Variants in PCDH9 observed in about 807,000 individuals in gnomAD.
PCDH9 encodes protocadherin 9.
In PCDH9, 24 loss-of-function variants were observed where a neutral mutation model predicts 70.6. The ratio of observed to expected loss-of-function variants is 0.34; its 90% CI spans 0.25 to 0.48. The LOEUF (loss-of-function observed/expected upper bound fraction) is 0.48, where lower values mean the gene tolerates loss of function less well. Among genes scored for constraint, PCDH9 ranks in the 20% least tolerant of loss-of-function variants. PCDH9 has a pLI of 0.99. For missense variants in PCDH9, 1,281 were observed against 1,503.6 expected, an observed-to-expected ratio of 0.85 and a Z score of 2.45; for synonymous variants, 562 against 558.5, an observed-to-expected ratio of 1.01 and a Z score of -0.09.
chr13:66,571,575 T>C (rs960716483), intron 4 of PCDH9, among the ~76,000 whole-genome samples: 2 of 152,056 alleles, frequency 1.3e-5, no homozygotes, highest in African/African-American at 4.8e-5. Context: ...CTGCTCTACA[T>C]ATCAGTTGTA....
intron 2 of PCDH9, among the ~76,000 whole-genome samples, chr13:67,079,810 G>T (rs944882518): frequency 6.6e-6 from 1 of 152,060 alleles, no homozygotes; most frequent in Non-Finnish European, 1.5e-5. Context: ...TCACCTATGA[G>T]GCTACATTTA....
At chr13:66,388,945 A>G (rs563753839) in intron 4 of PCDH9, among the ~76,000 whole-genome samples, 14 of 152,326 alleles carry the variant, frequency 9.2e-5, no homozygotes, top group African/African-American at 3.4e-4. Context: ...TAAATTAACC[A>G]TATTTTGTCT....
chr13:66,518,144 C>G (rs1298058777), intron 4 of PCDH9, among the ~76,000 whole-genome samples: 1 of 152,020 alleles, frequency 6.6e-6, no homozygotes, highest in Non-Finnish European at 1.5e-5. Context: ...GAGGGCAAAA[C>G]AAGAACTTAC....
intron 4 of PCDH9, among the ~76,000 whole-genome samples, chr13:66,523,342 A>C (rs1960079738): frequency 6.6e-6 from 1 of 152,094 alleles, no homozygotes; most frequent in South Asian, 2.1e-4. Context: ...ACCATTTAAC[A>C]GTTGAGGAAC....
intron 3 of PCDH9, among the ~76,000 whole-genome samples, chr13:66,833,224 A>G (rs2080958670): frequency 6.6e-6 from 1 of 152,218 alleles, no homozygotes; most frequent in Non-Finnish European, 1.5e-5. Context: ...GTAACATTAC[A>G]TAATATGCCC....
intron 3 of PCDH9, among the ~76,000 whole-genome samples, chr13:66,880,545 T>C (rs1208269679): frequency 1.3e-5 from 2 of 152,110 alleles, no homozygotes; most frequent in Non-Finnish European, 2.9e-5. Context: ...CCAGCTTACA[T>C]TTAAAGAAAA....
At chr13:66,872,487 C>A (rs1204391592) in intron 3 of PCDH9, among the ~76,000 whole-genome samples, 1 of 151,904 alleles carries the variant, frequency 6.6e-6, no homozygotes, top group Non-Finnish European at 1.5e-5. Flanking sequence ...TAATTCTTTA[C>A]AAAATCATAC....
intron 2 of PCDH9, among the ~76,000 whole-genome samples, chr13:67,170,770 C>G (rs1484258982): frequency 1.3e-5 from 2 of 151,912 alleles, no homozygotes; most frequent in Non-Finnish European, 2.9e-5. Context: ...ACTAAAAATA[C>G]AAAAATTAGC....
intron 3 of PCDH9, among the ~76,000 whole-genome samples, chr13:66,801,980 T>C (rs1399674295): frequency 6.9e-6 from 1 of 143,978 alleles, no homozygotes; most frequent in Non-Finnish European, 1.5e-5. Flanking sequence ...TCATTGCATG[T>C]AGACCAGGTG....
At chr13:66,384,587 T>C (rs1956898130) in intron 4 of PCDH9, among the ~76,000 whole-genome samples, 1 of 152,200 alleles carries the variant, frequency 6.6e-6, no homozygotes, top group African/African-American at 2.4e-5. Context: ...TGTAATACAA[T>C]ACTGTAACTG....
At position 66,969,056 on chromosome 13, in the gene PCDH9, C is replaced by G. The variant is rs527262293; in HGVS notation, c.3037-65451G>C. ...TTGTTTCCCTGAAATAGAGGAAAGA[C>G]TGTCAAAAGCCATACTGGCATTGCT... On this transcript the variant is annotated intron_variant, in intron 2 of 4. Coordinates refer to ENST00000377865, the MANE Select transcript of PCDH9 (RefSeq NM_203487.3). Among the ~76,000 whole-genome samples the G allele has an allele frequency of 2.0e-5, 3 of 152,086 alleles. No homozygotes were observed. The East Asian group carries it at 5.8e-4, about 29-fold the overall frequency.
At chr13:66,472,670 G>A (rs1434812835) in intron 4 of PCDH9, among the ~76,000 whole-genome samples, 1 of 152,224 alleles carries the variant, frequency 6.6e-6, no homozygotes, top group South Asian at 2.1e-4. Context: ...TCTTAATATT[G>A]AAAGTGATTC....
In PCDH9 at chr13:66,323,706, T is replaced by C. The variant is rs1045169507; in HGVS notation, c.3341-18678A>G. On this transcript the variant is annotated intron_variant, in intron 4 of 4. Transcript: ENST00000377865. Reference sequence around the variant, plus strand: ...GGAACTTTTTTTTTTTTTAAACCTATGGCGGCATCACATCTTAAGTAGGTT... The same window carrying C: ...GGAACTTTTTTTTTTTTTAAACCTACGGCGGCATCACATCTTAAGTAGGTT... The C allele has an allele frequency of 2.6e-5, 4 of 151,814 alleles. No homozygotes were observed. In the South Asian group the frequency reaches 8.3e-4, roughly 32 times the overall value. The allele number at this position is 151,814 out of a possible 1,614,324, so 9.4% of individuals were successfully genotyped here. A position where few individuals can be genotyped will look rare whatever the true frequency, so the allele number is the denominator to read the frequency against.
At chr13:66,322,745 AG>A (rs1329741311) in intron 4 of PCDH9, among the ~76,000 whole-genome samples, 1 of 152,080 alleles carries the variant, frequency 6.6e-6, no homozygotes. Flanking sequence ...AAGTAGATCC[AG>A]TGATTTTATA....
intron 2 of PCDH9, among the ~76,000 whole-genome samples, chr13:66,932,246 G>A (rs550056818): frequency 6.6e-6 from 1 of 152,210 alleles, no homozygotes; most frequent in South Asian, 2.1e-4. Context: ...TAATATTAAA[G>A]TATATTCACT....
chr13:67,176,727 A>C (rs1336408027), intron 2 of PCDH9, among the ~76,000 whole-genome samples: 1 of 152,010 alleles, frequency 6.6e-6, no homozygotes, highest in African/African-American at 2.4e-5. Flanking sequence ...CCCAATACCC[A>C]TCTGGCTCTT....
chr13:66,592,176 G>A lies in PCDH9; in HGVS notation c.3340+39034C>T, dbSNP rs1410000996. On this transcript the variant is annotated intron_variant, in intron 4 of 4. Coordinates refer to ENST00000377865, the MANE Select transcript of PCDH9 (RefSeq NM_203487.3). ...TGGACTAAATTCATCATTAAGAAAA[G>A]GCAAGGTTCAATCAACCAAGCAGTG... 2.6e-5 allele frequency among the ~76,000 whole-genome samples: 4 copies of A among 151,402 alleles called. No individual in the cohort carries two copies. The East Asian group carries it at 7.8e-4, about 29-fold the overall frequency.
chr13:66,512,114 T>A (rs1959504771), intron 4 of PCDH9, among the ~76,000 whole-genome samples: 1 of 152,128 alleles, frequency 6.6e-6, no homozygotes, highest in African/African-American at 2.4e-5. Flanking sequence ...ATTTACTTCC[T>A]TAAATCATAT....
At chr13:67,019,283 T>C (rs1425314547) in intron 2 of PCDH9, among the ~76,000 whole-genome samples, 1 of 138,214 alleles carries the variant, frequency 7.2e-6, no homozygotes, top group African/African-American at 2.7e-5. Flanking sequence ...AAGCTCCGCC[T>C]CCCGGGTTCA....
Sources: allele counts gnomAD v4.1 joint callset (sites outside exome capture counted in the v4.1 genomes callset), GRCh38; gene constraint gnomAD v4.1.1; transcripts MANE v1.5; gene names NCBI Gene and HGNC (gene_info 2026-07-23, HGNC 2026-07-21).